Variants in PDZRN3 observed in about 807,000 individuals in gnomAD.
The protein encoded by PDZRN3 is PDZ domain containing ring finger 3.
In PDZRN3, 38 loss-of-function variants were observed where a neutral mutation model predicts 85.7. That is an observed-to-expected ratio of 0.44 (90% CI 0.34 to 0.58). PDZRN3 has a LOEUF of 0.58. PDZRN3 is among the 20% of genes least tolerant of loss of function. PDZRN3 has a pLI of 0.01. For synonymous variants in PDZRN3, 759 were observed against 638.0 expected (o/e 1.19, Z -2.86); for missense variants, 1,629 against 1,506.4 (o/e 1.08, Z -1.35).
intron 3 of PDZRN3, among the ~76,000 whole-genome samples, chr3:73,435,988 G>A (rs1438428032): frequency 1.3e-5 from 2 of 152,108 alleles, no homozygotes; most frequent in East Asian, 1.9e-4. Flanking sequence ...CTGCCAGCAA[G>A]CCATGCCCTT....
chr3:73,511,223 C>T (rs946713680), intron 3 of PDZRN3, among the ~76,000 whole-genome samples: 4 of 152,104 alleles, frequency 2.6e-5, no homozygotes, highest in South Asian at 2.1e-4. Context: ...TGTAACCCAT[C>T]GTGGTCTCTG....
At chr3:73,544,749 G>A (rs1337579695) in intron 3 of PDZRN3, among the ~76,000 whole-genome samples, 1 of 151,452 alleles carries the variant, frequency 6.6e-6, no homozygotes, top group East Asian at 1.9e-4. Context: ...ATTTAAAAAT[G>A]CTATAAAATC....
At chr3:73,577,817 T>G (rs1043046780) in intron 3 of PDZRN3, among the ~76,000 whole-genome samples, 1 of 152,192 alleles carries the variant, frequency 6.6e-6, no homozygotes, top group Non-Finnish European at 1.5e-5. Context: ...TATGCTCTTC[T>G]TCCTGTACCC....
At chr3:73,388,935 A>AAG (rs1701459086) in intron 7 of PDZRN3, among the ~76,000 whole-genome samples, 1 of 137,718 alleles carries the variant, frequency 7.3e-6, no homozygotes, top group Non-Finnish European at 1.5e-5. Flanking sequence ...GCAATCAAAA[A>AAG]AAAAAAAAAA....
intron 3 of PDZRN3, among the ~76,000 whole-genome samples, chr3:73,513,132 G>A (rs1053393061): frequency 2.0e-5 from 3 of 152,112 alleles, no homozygotes; most frequent in African/African-American, 2.4e-5. Context: ...TCTAGCCCAC[G>A]GACCTCCAAA....
intron 3 of PDZRN3, among the ~76,000 whole-genome samples, chr3:73,573,552 C>T (rs911028327): frequency 6.6e-6 from 1 of 152,166 alleles, no homozygotes; most frequent in Non-Finnish European, 1.5e-5. Flanking sequence ...ACTACAATGG[C>T]AGAGTTGAGT....
intron 3 of PDZRN3, among the ~76,000 whole-genome samples, chr3:73,517,471 T>G (rs1294032655): frequency 6.6e-6 from 1 of 152,154 alleles, no homozygotes; most frequent in Non-Finnish European, 1.5e-5. Flanking sequence ...GAACAGATAC[T>G]AGGTAAACAA....
In PDZRN3 at chr3:73,602,475, A is replaced by G; in HGVS notation, c.811-14T>C. 7.4e-7 allele frequency: 1 copy of G among 1,350,338 alleles called. No individual in the cohort carries two copies. Among genetic ancestry groups the G allele is most frequent in the Non-Finnish European group, 1.1e-6 (1 of 945,484 alleles). The allele number at this position is 1,350,338 out of a possible 1,614,324, so 83.6% of individuals were successfully genotyped here. ...ATCGTGGTTATCCTTTGGGTTAAAA[A>G]AAAAAACATGCATGAATGCTAGGCA... On this transcript the variant is annotated splice_polypyrimidine_tract_variant and intron_variant, in intron 2 of 9. Transcript: ENST00000263666.
chr3:73,500,297 C>T (rs1057401288), intron 3 of PDZRN3, among the ~76,000 whole-genome samples: 3 of 152,182 alleles, frequency 2.0e-5, no homozygotes, highest in African/African-American at 7.2e-5. Flanking sequence ...AATTCTCCAA[C>T]CTCAGCCTCC....
intron 3 of PDZRN3, among the ~76,000 whole-genome samples, chr3:73,409,348 T>A (rs1009905151): frequency 2.0e-5 from 3 of 152,206 alleles, no homozygotes; most frequent in Non-Finnish European, 4.4e-5. Flanking sequence ...GAGGTACTTG[T>A]AGCTGTCTTT....
At chr3:73,501,325 G>A (rs545133581) in intron 3 of PDZRN3, among the ~76,000 whole-genome samples, 1 of 152,248 alleles carries the variant, frequency 6.6e-6, no homozygotes, top group African/African-American at 2.4e-5. Flanking sequence ...GGCTTTGGAG[G>A]TGATGCCCTC....
intron 3 of PDZRN3, among the ~76,000 whole-genome samples, chr3:73,440,680 C>A (rs1702618075): frequency 6.6e-6 from 1 of 152,196 alleles, no homozygotes; most frequent in Non-Finnish European, 1.5e-5. Context: ...CCTATGACAA[C>A]ACCCAGCCTC....
intron 5 of PDZRN3, among the ~76,000 whole-genome samples, chr3:73,396,900 G>A (rs897051427): frequency 1.2e-4 from 8 of 67,218 alleles, no homozygotes; most frequent in African/African-American, 6.7e-4. Context: ...TCAACCCTAG[G>A]GTACACTGGG....
intron 3 of PDZRN3, among the ~76,000 whole-genome samples, chr3:73,594,897 A>G (rs1702411642): frequency 6.6e-6 from 1 of 152,208 alleles, no homozygotes; most frequent in Non-Finnish European, 1.5e-5. Flanking sequence ...GACAGTCATT[A>G]CTACCAAATG....
At chr3:73,429,670 A>G (rs1175858994) in intron 3 of PDZRN3, among the ~76,000 whole-genome samples, 3 of 152,212 alleles carry the variant, frequency 2.0e-5, no homozygotes, top group Non-Finnish European at 4.4e-5. Flanking sequence ...GGCAGGTCAC[A>G]GTTAGTGGTA....
intron 3 of PDZRN3, among the ~76,000 whole-genome samples, chr3:73,501,028 A>G (rs1703967860): frequency 2.6e-5 from 4 of 151,892 alleles, no homozygotes. Context: ...CTTGTTTTCC[A>G]TCTTCTCTTC....
intron 3 of PDZRN3, among the ~76,000 whole-genome samples, chr3:73,410,183 A>AT (rs771451881): frequency 5.9e-5 from 9 of 152,224 alleles, no homozygotes; most frequent in Admixed American, 3.3e-4. Context: ...TTTAGGTTGG[A>AT]TAAAAAAAAG....
chr3:73,438,326 A>C (rs1051356682), intron 3 of PDZRN3, among the ~76,000 whole-genome samples: 7 of 152,218 alleles, frequency 4.6e-5, no homozygotes, highest in Non-Finnish European at 7.3e-5. Context: ...GTAGACATGA[A>C]CTTATATTTA....
chr3:73,591,279 A>C (rs1234577797), intron 3 of PDZRN3, among the ~76,000 whole-genome samples: 1 of 152,196 alleles, frequency 6.6e-6, no homozygotes. Context: ...GGCACTTTAA[A>C]AATAGCTGAT....
Sources: allele counts gnomAD v4.1 joint callset (sites outside exome capture counted in the v4.1 genomes callset), GRCh38; gene constraint gnomAD v4.1.1; transcripts MANE v1.5; gene names NCBI Gene and HGNC (gene_info 2026-07-23, HGNC 2026-07-21).